Variants in IMMP2L observed in about 807,000 individuals in gnomAD.
IMMP2L encodes inner mitochondrial membrane peptidase subunit 2.
A neutral mutation model predicts 19.3 loss-of-function variants in IMMP2L; 18 were observed. The ratio of observed to expected loss-of-function variants is 0.93; its 90% CI spans 0.64 to 1.38. IMMP2L has a LOEUF of 1.38. Among genes scored for constraint, IMMP2L ranks in the 40% most tolerant of loss-of-function variants. The pLI, the probability that IMMP2L is intolerant of heterozygous loss-of-function variation, is 0.00. For missense variants in IMMP2L, 233 were observed against 218.2 expected (o/e 1.07, Z -0.43); for synonymous variants, 76 against 73.0 (o/e 1.04, Z -0.21).
chr7:111,155,253 G>GACACA (rs1562864107), intron 3 of IMMP2L, among the ~76,000 whole-genome samples: 1 of 152,014 alleles, frequency 6.6e-6, no homozygotes, highest in Admixed American at 6.6e-5. Flanking sequence ...AGTGTGTGTC[G>GACACA]TTACTTTGGG....
intron 3 of IMMP2L, among the ~76,000 whole-genome samples, chr7:111,259,291 TAAAC>T (rs1462102357): frequency 6.6e-6 from 1 of 152,094 alleles, no homozygotes; most frequent in Non-Finnish European, 1.5e-5. Context: ...GTTGACTTTA[TAAAC>T]ACTGTACATT....
intron 3 of IMMP2L, among the ~76,000 whole-genome samples, chr7:111,217,379 C>T (rs905142291): frequency 3.3e-5 from 5 of 152,004 alleles, no homozygotes; most frequent in African/African-American, 1.2e-4. Flanking sequence ...TATCAGTCCG[C>T]TTAAGTGGGT....
chr7:111,446,651 T>C (rs1235368811), intron 3 of IMMP2L, among the ~76,000 whole-genome samples: 3 of 152,066 alleles, frequency 2.0e-5, no homozygotes, highest in Admixed American at 1.3e-4. Context: ...ACAGAGCGCC[T>C]CTCCTCCTCC....
intron 3 of IMMP2L, among the ~76,000 whole-genome samples, chr7:111,362,956 T>A (rs1332458216): frequency 6.6e-6 from 1 of 152,098 alleles, no homozygotes; most frequent in Non-Finnish European, 1.5e-5. Context: ...CTATGGAAAC[T>A]GAGGACTTAG....
chr7:111,162,826 A>G (rs746447970), intron 3 of IMMP2L, among the ~76,000 whole-genome samples: 28 of 152,084 alleles, frequency 1.8e-4, no homozygotes, highest in South Asian at 4.2e-4. Context: ...GATTTTGTCT[A>G]GACACCCCCG....
intron 1 of IMMP2L, among the ~76,000 whole-genome samples, chr7:111,524,922 T>G (rs1406733844): frequency 6.6e-6 from 1 of 152,154 alleles, no homozygotes; most frequent in Non-Finnish European, 1.5e-5. Context: ...AGTCACTTAC[T>G]ACCTGGCTCA....
At chr7:111,321,537 T>C (rs562118457) in intron 3 of IMMP2L, among the ~76,000 whole-genome samples, 2 of 152,094 alleles carry the variant, frequency 1.3e-5, no homozygotes, top group East Asian at 3.9e-4. Context: ...AAATTATTAA[T>C]ATTTATCTTT....
intron 3 of IMMP2L, among the ~76,000 whole-genome samples, chr7:111,029,172 T>G (rs1205864083): frequency 1.3e-5 from 2 of 152,188 alleles, no homozygotes; most frequent in African/African-American, 4.8e-5. Context: ...TCATGGACAT[T>G]GATCCAATTT....
intron 5 of IMMP2L, among the ~76,000 whole-genome samples, chr7:110,837,190 A>T (rs544944946): frequency 6.6e-6 from 1 of 152,300 alleles, no homozygotes; most frequent in African/African-American, 2.4e-5. Flanking sequence ...AATGGATTAC[A>T]TCTACAGGTA....
chr7:111,341,508 T>C (rs554097762), intron 3 of IMMP2L, among the ~76,000 whole-genome samples: 46 of 152,256 alleles, frequency 3.0e-4, no homozygotes, highest in Middle Eastern at 3.4e-3. Flanking sequence ...CACCTAAACA[T>C]ATATAAATAC....
intron 5 of IMMP2L, among the ~76,000 whole-genome samples, chr7:110,794,957 T>G (rs112539805): frequency 6.6e-6 from 1 of 152,018 alleles, no homozygotes; most frequent in Admixed American, 6.6e-5. Context: ...TAGTTAGCAA[T>G]TGGGCCTGGT....
At chr7:111,258,941 T>C (rs1302181094) in intron 3 of IMMP2L, among the ~76,000 whole-genome samples, 2 of 152,178 alleles carry the variant, frequency 1.3e-5, no homozygotes, top group Non-Finnish European at 2.9e-5. Flanking sequence ...TTAATCATTA[T>C]GTGAAGTGTA....
intron 3 of IMMP2L, among the ~76,000 whole-genome samples, chr7:111,324,519 T>C (rs1383033235): frequency 6.6e-6 from 1 of 151,924 alleles, no homozygotes; most frequent in Non-Finnish European, 1.5e-5. Context: ...CTTTTTCAAG[T>C]TGAGAAAAGA....
At chr7:111,283,970 C>CAA (rs972346409) in intron 3 of IMMP2L, among the ~76,000 whole-genome samples, 2,909 of 40,406 alleles carry the variant, frequency 0.072, 176 homozygotes, top group African/African-American at 0.16. Context: ...GACTCCGTCT[C>CAA]AAAAAAAAAA....
At chr7:111,371,893 A>C (rs1273807055) in intron 3 of IMMP2L, among the ~76,000 whole-genome samples, 2 of 152,110 alleles carry the variant, frequency 1.3e-5, no homozygotes, top group African/African-American at 4.8e-5. Context: ...TGAGCTGGTC[A>C]GCATCAAACA....
At chr7:111,432,011 T>C (rs1264559506) in intron 3 of IMMP2L, among the ~76,000 whole-genome samples, 1 of 151,834 alleles carries the variant, frequency 6.6e-6, no homozygotes, top group African/African-American at 2.4e-5. Flanking sequence ...AGTAAATTAA[T>C]TGAACCCAAA....
intron 3 of IMMP2L, among the ~76,000 whole-genome samples, chr7:111,225,873 C>T (rs1216295986): frequency 6.6e-6 from 1 of 152,058 alleles, no homozygotes; most frequent in Admixed American, 6.5e-5. Flanking sequence ...TGTTCTTATG[C>T]CCTCAGGCTA....
chr7:111,482,386 A>T (rs1842265435), intron 3 of IMMP2L, among the ~76,000 whole-genome samples: 1 of 152,154 alleles, frequency 6.6e-6, no homozygotes, highest in East Asian at 1.9e-4. Context: ...CCCTCACACC[A>T]ACCTTCTACT....
chr7:110,733,885 G>A lies in IMMP2L; in HGVS notation c.409-70164C>T, dbSNP rs930874600. On this transcript the variant is annotated intron_variant, in intron 5 of 5. Transcript: ENST00000405709. ...CCAGGTACCATCTATGAAGCAGAGGGCAAGCTTTCATCAGACACTGACTCT... is the reference window on the plus strand; with the variant it reads ...CCAGGTACCATCTATGAAGCAGAGGACAAGCTTTCATCAGACACTGACTCT... Among the ~76,000 whole-genome samples, 3 of 152,164 alleles carry A rather than the reference G, an allele frequency of 2.0e-5. No individual in the cohort carries two copies. The East Asian group carries it at 5.8e-4, about 29-fold the overall frequency.
Sources: allele counts gnomAD v4.1 joint callset (sites outside exome capture counted in the v4.1 genomes callset), GRCh38; gene constraint gnomAD v4.1.1; transcripts MANE v1.5; gene names NCBI Gene and HGNC (gene_info 2026-07-23, HGNC 2026-07-21).